Variants in CELSR1 observed in about 807,000 individuals in gnomAD.
The protein encoded by CELSR1 is adhesion G protein-coupled receptor C1.
In CELSR1, 110 loss-of-function variants were observed where a neutral mutation model predicts 249.1. The ratio of observed to expected loss-of-function variants is 0.44; its 90% CI spans 0.38 to 0.52. The LOEUF is 0.52. Ranked by LOEUF, CELSR1 falls within the 20% of genes least tolerant of loss-of-function variation. The pLI is 0.00. For missense variants in CELSR1, 4,109 were observed against 4,296.4 expected (o/e 0.96, Z 1.22); for synonymous variants, 2,113 against 1,900.0 (o/e 1.11, Z -2.92).
intron 5 of CELSR1, among the ~76,000 whole-genome samples, chr22:46,415,206 G>A (rs746882434): frequency 5.9e-5 from 9 of 152,150 alleles, no homozygotes; most frequent in Non-Finnish European, 1.2e-4. Context: ...CTGGAGTGCC[G>A]TGGCATGATC....
chr22:46,478,534 T>C (rs2080233260), intron 1 of CELSR1, among the ~76,000 whole-genome samples: 1 of 151,310 alleles, frequency 6.6e-6, no homozygotes, highest in Non-Finnish European at 1.5e-5. Flanking sequence ...CTGTGGACAA[T>C]AAAGATGAGA....
In CELSR1 at chr22:46,526,834, C is replaced by T. The variant is rs1018049340; in HGVS notation, c.3544+6793G>A. Reference sequence around the variant, plus strand: ...CCTGAGCTGGTCTCCCCAGTCTGGACCTGCACACACAATCAACTTCAGGAC... The same window carrying T: ...CCTGAGCTGGTCTCCCCAGTCTGGATCTGCACACACAATCAACTTCAGGAC... On this transcript the variant is annotated intron_variant, in intron 1 of 34. Coordinates refer to ENST00000674500, the MANE Select transcript of CELSR1 (RefSeq NM_001378328.1). This position sits in a 1 kb window ranked among gnomAD's most constrained non-coding sequence, Gnocchi z 4.7. Among the ~76,000 whole-genome samples, 1 of 152,212 alleles carries T rather than the reference C, an allele frequency of 6.6e-6. No individual in the cohort carries two copies.
Position 46,536,351 on chromosome 22 carries a change from C to G in CELSR1, c.820G>C (p.Glu274Gln). Residue 274 changes from glutamate (E) to glutamine (Q), a missense_variant, in exon 1 of 35, where the codon GAG becomes CAG. Glu to Gln is a conservative substitution (Grantham distance 29). This residue lies in a region of CELSR1 where 673 missense variants were observed against 636.8 expected (regional missense o/e 1.06). Coordinates refer to ENST00000674500, the MANE Select transcript of CELSR1 (RefSeq NM_001378328.1). The part of the protein sequence containing the change: ...ILQLHAHYTI[E>Q]GEEERVSYYM... The stretch of plus-strand genomic sequence containing the variant: ...TAGCTCACGCGCTCCTCCTCGCCCT[C>G]GATGGTGTAGTGCGCGTGCAGCTGG... 1.2e-6 allele frequency: 2 copies of G among 1,612,656 alleles called. No homozygotes were observed. Among genetic ancestry groups the G allele is most frequent in the Middle Eastern group, 1.7e-4 (1 of 6,058 alleles).
At chr22:46,462,839 G>C (rs879497744) in intron 2 of CELSR1, 2 of 424,936 alleles carry the variant, frequency 4.7e-6, no homozygotes, top group Non-Finnish European at 9.5e-6. Flanking sequence ...GCTACATTTG[G>C]AGTAATTCAT....
In CELSR1 at chr22:46,395,633, A is replaced by C. The variant is rs992965841; in HGVS notation, c.5843+972T>G. Among the ~76,000 whole-genome samples, 6 of 152,128 alleles carry C rather than the reference A, an allele frequency of 3.9e-5. No individual in the cohort carries two copies. The highest frequency in any genetic ancestry group is 1.4e-4 in the African/African-American group (6 of 41,434). ...CCAGGGCACAGGCTGCTTCCCACTC[A>C]TGGGGTCACAGCCGGGATCACAGCA... On this transcript the variant is annotated intron_variant, in intron 13 of 34. Coordinates refer to ENST00000674500, the MANE Select transcript of CELSR1 (RefSeq NM_001378328.1). This position sits in a 1 kb window ranked among gnomAD's most constrained non-coding sequence, Gnocchi z 5.5.
chr22:46,385,299 T>A (rs2147232519), intron 19 of CELSR1, among the ~76,000 whole-genome samples: 1 of 152,286 alleles, frequency 6.6e-6, no homozygotes, highest in East Asian at 1.9e-4. Flanking sequence ...GGTCTCACTA[T>A]GGCGCCTGGC....
intron 1 of CELSR1, among the ~76,000 whole-genome samples, chr22:46,504,515 A>AC (rs1256018275): frequency 2.2e-5 from 2 of 90,814 alleles, no homozygotes; most frequent in African/African-American, 3.8e-5. Context: ...AAAAAAAAAA[A>AC]AAAAACAAAA....
At position 46,364,133 on chromosome 22, in the gene CELSR1, C is replaced by G; in HGVS notation, c.8898G>C (p.Thr2966=). Residue 2966 remains threonine (T), a synonymous_variant, in exon 34 of 35, where the codon ACG becomes ACC. Coordinates refer to ENST00000674500, the MANE Select transcript of CELSR1 (RefSeq NM_001378328.1). ...CGGGGCCGCCAGAGCCCAGGGAAGA[C>G]GTGCGCGAGGATGTGGGGCTCTGCT... The part of the protein sequence containing the change: ...DCEQSPTSSR[T]SSLGSGGPDC... The G allele has an allele frequency of 6.2e-7, 1 of 1,612,318 alleles. No individual in the cohort carries two copies. The highest frequency in any genetic ancestry group is 1.1e-5 in the South Asian group (1 of 91,068).
intron 1 of CELSR1, among the ~76,000 whole-genome samples, chr22:46,476,732 CCA>C (rs1321429955): frequency 3.4e-4 from 52 of 152,152 alleles, no homozygotes; most frequent in South Asian, 8.3e-4. Context: ...CACCCAGAAT[CCA>C]CAGAGACAGA....
In CELSR1 at chr22:46,407,578, G is replaced by A. The variant is rs2079280220; in HGVS notation, c.5226+1418C>T. 6.6e-6 allele frequency among the ~76,000 whole-genome samples: 1 copy of A among 152,192 alleles called. No individual in the cohort carries two copies. The highest frequency in any genetic ancestry group is 1.5e-5 in the Non-Finnish European group (1 of 68,000). The stretch of plus-strand genomic sequence containing the variant: ...ACCTGGGGGGCAGAAGTTGCAGTGA[G>A]CTGAGGTTACGCCGTCGCACTCCAG... On this transcript the variant is annotated intron_variant, in intron 9 of 34. Transcript: ENST00000674500. The surrounding 1 kb of genome is among the most constrained non-coding windows in gnomAD (Gnocchi z 4.8).
At position 46,406,029 on chromosome 22, in the gene CELSR1, A is replaced by C. The variant is rs950351044; in HGVS notation, c.5226+2967T>G. On this transcript the variant is annotated intron_variant, in intron 9 of 34. Coordinates refer to ENST00000674500, the MANE Select transcript of CELSR1 (RefSeq NM_001378328.1). The surrounding 1 kb of genome is among the most constrained non-coding windows in gnomAD (Gnocchi z 5.4). ...GGCTGTAGTCCCTGGCAAAATTCCT[A>C]ATCTGGGGATGAGCCCTCCATGATG... Among the ~76,000 whole-genome samples, 2 of 152,076 alleles carry C rather than the reference A, an allele frequency of 1.3e-5. No homozygotes were observed. Among genetic ancestry groups the C allele is most frequent in the Non-Finnish European group, 2.9e-5 (2 of 68,006 alleles).
chr22:46,398,158 G>A lies in CELSR1; in HGVS notation c.5527-310C>T, dbSNP rs902598463. Among the ~76,000 whole-genome samples, 4 of 152,056 alleles carry A rather than the reference G, an allele frequency of 2.6e-5. No individual in the cohort carries two copies. The highest frequency in any genetic ancestry group is 1.3e-4 in the Admixed American group (2 of 15,262). ...ACGACTCAGAGCAGCTCCCTCGGCCGTAGCTGGAACCCCTGGCTCCAGGGG... is the reference window on the plus strand; with the variant it reads ...ACGACTCAGAGCAGCTCCCTCGGCCATAGCTGGAACCCCTGGCTCCAGGGG... On this transcript the variant is annotated intron_variant, in intron 11 of 34. Transcript: ENST00000674500. This position sits in a 1 kb window ranked among gnomAD's most constrained non-coding sequence, Gnocchi z 7.2.
intron 5 of CELSR1, among the ~76,000 whole-genome samples, chr22:46,420,309 C>T (rs1292713227): frequency 7.0e-6 from 1 of 143,742 alleles, no homozygotes; most frequent in Admixed American, 6.7e-5. Flanking sequence ...CTCATGTGCA[C>T]TCACGTATGC....
Position 46,524,541 on chromosome 22 carries a change from C to CGCGTGT in CELSR1, c.3544+9085_3544+9086insACACGC, listed in dbSNP as rs1194384146. 2.0e-3 allele frequency among the ~76,000 whole-genome samples: 152 copies of CGCGTGT among 77,876 alleles called. 1 individual carries two copies. In the South Asian group the frequency reaches 0.023, roughly 12 times the overall value. 51.1% of individuals were successfully genotyped at this position (77,876 alleles called of 152,430 possible). ...AAACGGCCCCCACCCCCGTTGTGTG[C>CGCGTGT]GTGTGTGTGTGTGTGTGTGTGTGTG... On this transcript the variant is annotated intron_variant, in intron 1 of 34. Transcript: ENST00000674500.
At chr22:46,439,551 C>G (rs2079716490) in intron 2 of CELSR1, 140 bp from the exon 3 acceptor site, 2 of 677,676 alleles carry the variant, frequency 3.0e-6, no homozygotes, top group African/African-American at 3.6e-5. Context: ...CAGGACAGGT[C>G]TGTGACATGA....
intron 1 of CELSR1, among the ~76,000 whole-genome samples, chr22:46,493,533 G>A (rs1195848835): frequency 5.1e-5 from 7 of 137,186 alleles, no homozygotes; most frequent in Admixed American, 7.6e-5. Flanking sequence ...GTGACAGAAC[G>A]AGACTCCGTC....
At chr22:46,394,466 C>A (rs986888619) in intron 13 of CELSR1, among the ~76,000 whole-genome samples, 17 of 152,174 alleles carry the variant, frequency 1.1e-4, no homozygotes, top group Non-Finnish European at 1.5e-5. Context: ...TCCACCATGC[C>A]CAAAGCGACT....
rs1269625136 is a variant in CELSR1 at position 46,436,898 on chromosome 22, A to G, written c.4407-609T>C. ...TACTTGCCCTGACTCATTGTACTCT[A>G]CCTTGCCCTTACCTCCCATCAGCCT... On this transcript the variant is annotated intron_variant, in intron 3 of 34. Coordinates refer to ENST00000674500, the MANE Select transcript of CELSR1 (RefSeq NM_001378328.1). This position sits in a 1 kb window ranked among gnomAD's most constrained non-coding sequence, Gnocchi z 5.9. Among the ~76,000 whole-genome samples the G allele has an allele frequency of 1.3e-5, 2 of 151,868 alleles. No individual in the cohort carries two copies. Among genetic ancestry groups the G allele is most frequent in the South Asian group, 4.1e-4 (2 of 4,820 alleles).
rs372632208 is a variant in CELSR1 at position 46,396,106 on chromosome 22, G to A, written c.5843+499C>T. 5.3e-5 allele frequency among the ~76,000 whole-genome samples: 8 copies of A among 152,262 alleles called. No individual in the cohort carries two copies. Among genetic ancestry groups the A allele is most frequent in the East Asian group, 1.9e-4 (1 of 5,176 alleles). On this transcript the variant is annotated intron_variant, in intron 13 of 34. Transcript: ENST00000674500. This position sits in a 1 kb window ranked among gnomAD's most constrained non-coding sequence, Gnocchi z 6.4. ...TGATCCAATGGGGTTAGTTTGAGACGTCCAAATTGATTCTCATTGCCCAAG... is the reference window on the plus strand; with the variant it reads ...TGATCCAATGGGGTTAGTTTGAGACATCCAAATTGATTCTCATTGCCCAAG...
Sources: allele counts gnomAD v4.1 joint callset (sites outside exome capture counted in the v4.1 genomes callset), GRCh38; gene constraint gnomAD v4.1.1; regional missense constraint gnomAD v4.1.1; non-coding constraint Gnocchi (gnomAD v3.1); transcripts MANE v1.5; gene names NCBI Gene and HGNC (gene_info 2026-07-23, HGNC 2026-07-21).